The following ACTL6A variants were observed in gnomAD, a reference collection of about 807,000 sequenced individuals.
The protein encoded by ACTL6A is actin-like protein 6A.
A neutral mutation model predicts 59.2 loss-of-function variants in ACTL6A; 5 were observed. The ratio of observed to expected loss-of-function variants is 0.08; its 90% CI spans 0.04 to 0.18. ACTL6A has a LOEUF of 0.18. Ranked by LOEUF, ACTL6A falls within the 10% of genes least tolerant of loss-of-function variation. The pLI is 1.00. For missense variants in ACTL6A, 285 were observed against 526.9 expected (o/e 0.54, Z 4.49); for synonymous variants, 154 against 171.8 (o/e 0.90, Z 0.81).
intron 4 of ACTL6A, 57 bp downstream of exon 4, chr3:179,573,526 T>C: frequency 7.9e-7 from 1 of 1,272,438 alleles, no homozygotes; most frequent in Non-Finnish European, 1.1e-6. Flanking sequence ...TTTTCTTTTT[T>C]TTTTCCTTTA....
At position 179,575,365 on chromosome 3, in the gene ACTL6A, C is replaced by T. The variant is rs1421099906; in HGVS notation, c.477-852C>T. The T allele has an allele frequency of 1.1e-5, 5 of 456,554 alleles. No individual in the cohort carries two copies. In the East Asian group the frequency reaches 3.5e-4, roughly 32 times the overall value. The allele number at this position is 456,554 out of a possible 1,614,324, so 28.3% of individuals were successfully genotyped here. On this transcript the variant is annotated intron_variant, in intron 5 of 13. Coordinates refer to ENST00000429709, the MANE Select transcript of ACTL6A (RefSeq NM_004301.5). ...GGAATAGGTTTCCCTTTTACATCAC[C>T]ATCTTCCCTGGGACATCCTGAGCTT...
rs59287098 is a variant in ACTL6A, at chr3:179,585,379, G to A, written c.1123-1167G>A. ...GGCCTCCCAAAGTGCTGGGATTATA[G>A]GCGTGAGCCACTGCACCGGTCTATA... On this transcript the variant is annotated intron_variant, in intron 12 of 13. Transcript: ENST00000429709. Among the ~76,000 whole-genome samples the A allele has an allele frequency of 9.5e-3, 1,452 of 152,262 alleles. 24 individuals carry two copies. Among genetic ancestry groups the A allele is most frequent in the African/African-American group, 0.033 (1,380 of 41,540 alleles).
At chr3:179,568,893 A>G (rs895010181) in intron 1 of ACTL6A, among the ~76,000 whole-genome samples, 3 of 152,222 alleles carry the variant, frequency 2.0e-5, no homozygotes, top group Non-Finnish European at 4.4e-5. Context: ...TATTATGTAC[A>G]TTTTACATAT....
intron 4 of ACTL6A, among the ~76,000 whole-genome samples, chr3:179,573,734 G>A (rs1159946266): frequency 6.6e-6 from 1 of 152,134 alleles, no homozygotes; most frequent in East Asian, 1.9e-4. Context: ...CTAGGGATTT[G>A]TTTAACATTT....
chr3:179,568,174 CAAA>C (rs770514808), intron 1 of ACTL6A, among the ~76,000 whole-genome samples: 10 of 56,404 alleles, frequency 1.8e-4, no homozygotes, highest in Non-Finnish European at 2.0e-4. Flanking sequence ...GACTCCGTGT[CAAA>C]AAAAAAAAAA....
chr3:179,584,270 G>A (rs1718419249), intron 12 of ACTL6A: 1 of 152,192 alleles, frequency 6.6e-6, no homozygotes, highest in Non-Finnish European at 1.5e-5. Context: ...GAAAAACTCG[G>A]TTTGAGAAGG....
At chr3:179,583,862 T>G (rs1390017349) in intron 12 of ACTL6A, 1 of 153,848 alleles carries the variant, frequency 6.5e-6, no homozygotes, top group Non-Finnish European at 1.4e-5. Context: ...AGCTATAGTT[T>G]GAATGAATAG....
intron 6 of ACTL6A, 128 bp downstream of exon 6, chr3:179,576,439 T>C: frequency 1.2e-6 from 1 of 811,824 alleles, no homozygotes; most frequent in Non-Finnish European, 1.9e-6. Flanking sequence ...TTTAAGTATG[T>C]TAAAAATCTT....
rs756107233 is a variant in ACTL6A, at chr3:179,588,018, TTC to T, written c.*9_*10del. On this transcript the variant is annotated 3_prime_UTR_variant, in exon 14 of 14. Coordinates refer to ENST00000429709, the MANE Select transcript of ACTL6A (RefSeq NM_004301.5). ...GAAAGAAAATGCCCTTGAGAAAGAG[TTC>T]CCAAGCTTCTACCTTCCTTTTGTCA... 3 of 1,587,564 alleles carry T rather than the reference TTC, an allele frequency of 1.9e-6. No homozygotes were observed. The African/African-American group carries it at 4.1e-5, about 22-fold the overall frequency.
intron 12 of ACTL6A, 79 bp from the exon 13 acceptor site, chr3:179,586,467 G>T (rs9818068): frequency 7.1e-5 from 53 of 749,704 alleles, no homozygotes; most frequent in East Asian, 3.1e-4. Context: ...GTCTCTATTT[G>T]AAAAAAAAAA....
rs571613913 is a variant in ACTL6A, at chr3:179,588,224, T to A, written c.*214T>A. 1 of 428,674 alleles carries A rather than the reference T, an allele frequency of 2.3e-6. No individual in the cohort carries two copies. Among genetic ancestry groups the A allele is most frequent in the Admixed American group, 4.3e-5 (1 of 23,492 alleles). The allele number at this position is 428,674 out of a possible 1,614,324, so 26.6% of individuals were successfully genotyped here. A position where few individuals can be genotyped will look rare whatever the true frequency, so the allele number is the denominator to read the frequency against. On this transcript the variant is annotated 3_prime_UTR_variant, in exon 14 of 14. Coordinates refer to ENST00000429709, the MANE Select transcript of ACTL6A (RefSeq NM_004301.5). ...ATTCTTATTACAAGCATTTTATAAT[T>A]TTGTATAAATGTCTATTTTCTCTAA...
intron 3 of ACTL6A, among the ~76,000 whole-genome samples, chr3:179,572,982 C>CTTTTTTTTTTTTTTTTTTTTTTTTTTT (rs71628083): frequency 7.2e-6 from 1 of 138,832 alleles, no homozygotes; most frequent in Non-Finnish European, 1.5e-5. Context: ...ACAATTCTTT[C>CTTTTTTTTTTTTTTTTTTTTTTTTTTT]TTTTTTTTTT....
Position 179,580,979 on chromosome 3 carries a change from G to C in ACTL6A, c.916G>C (p.Glu306Gln). The stretch of plus-strand genomic sequence containing the variant: ...TGGTGCAGAGCGGCTAAAGATTCCA[G>C]AAGGATTATTTGACCCTTCCAATGT... The part of the protein sequence containing the change: ...DFGAERLKIP[E>Q]GLFDPSNVKG... The change falls in exon 10 of 14, where the codon GAA becomes CAA. Residue 306 changes from glutamate (E) to glutamine (Q), a missense_variant. By Grantham distance (29) the Glu-to-Gln change is conservative (BLOSUM62 2). Transcript: ENST00000429709. The C allele has an allele frequency of 6.3e-7, 1 of 1,586,090 alleles. No homozygotes were observed. Among genetic ancestry groups the C allele is most frequent in the South Asian group, 1.2e-5 (1 of 85,226 alleles).
intron 4 of ACTL6A, among the ~76,000 whole-genome samples, chr3:179,573,899 T>G (rs1404808503): frequency 6.6e-6 from 1 of 152,186 alleles, no homozygotes; most frequent in African/African-American, 2.4e-5. Flanking sequence ...GAAATACATT[T>G]GGTACATAGA....
At position 179,562,939 on chromosome 3, in the gene ACTL6A, C is replaced by T. The variant is rs557016366; in HGVS notation, c.-154C>T. 6.3e-4 allele frequency: 587 copies of T among 937,262 alleles called. 2 individuals carry two copies. The Middle Eastern group carries it at 8.9e-3, about 14-fold the overall frequency. 58.1% of individuals were successfully genotyped at this position (937,262 alleles called of 1,614,324 possible). On this transcript the variant is annotated 5_prime_UTR_variant, in exon 1 of 14. Transcript: ENST00000429709. ...GGAGGAGCCAGCAAGTGTGGCTGAG[C>T]TCCGGGGTGTGTGGACGCCGCTTTG...
intron 4 of ACTL6A, among the ~76,000 whole-genome samples, 192 bp from the exon 5 acceptor site, chr3:179,574,173 TTAATC>T (rs1718098588): frequency 6.6e-6 from 1 of 152,158 alleles, no homozygotes; most frequent in African/African-American, 2.4e-5. Flanking sequence ...TTTATTAAAT[TTAATC>T]TACATCTAAA....
chr3:179,572,858 A>C (rs1401683010), intron 3 of ACTL6A, among the ~76,000 whole-genome samples: 1 of 152,166 alleles, frequency 6.6e-6, no homozygotes, highest in Admixed American at 6.5e-5. Flanking sequence ...TTTTAATGGA[A>C]TGTTTAGGTG....
chr3:179,587,238 A>AG (rs1348750355), intron 13 of ACTL6A, among the ~76,000 whole-genome samples: 3 of 152,088 alleles, frequency 2.0e-5, no homozygotes, highest in Non-Finnish European at 4.4e-5. Flanking sequence ...GTTTATATAC[A>AG]TATATATGTA....
At chr3:179,583,954 AT>A (rs1369312739) in intron 12 of ACTL6A, among the ~76,000 whole-genome samples, 5 of 152,346 alleles carry the variant, frequency 3.3e-5, no homozygotes, top group Admixed American at 3.3e-4. Flanking sequence ...GAAGACAGGT[AT>A]GTTCCAGTAA....
Sources: allele counts gnomAD v4.1 joint callset (sites outside exome capture counted in the v4.1 genomes callset), GRCh38; gene constraint gnomAD v4.1.1; transcripts MANE v1.5; gene names NCBI Gene and HGNC (gene_info 2026-07-23, HGNC 2026-07-21).